Variants in RICTOR observed in about 807,000 individuals in gnomAD.
RICTOR encodes the protein rapamycin-insensitive companion of mTOR.
Under a neutral mutation model 214.9 loss-of-function variants are expected in RICTOR, and 49 were observed. That is an observed-to-expected ratio of 0.23 (90% CI 0.18 to 0.29). The LOEUF (loss-of-function observed/expected upper bound fraction) is 0.29. Among genes scored for constraint, RICTOR ranks in the 10% least tolerant of loss-of-function variants. The pLI, the probability that RICTOR is intolerant of heterozygous loss-of-function variation, is 1.00. For missense variants in RICTOR, 1,625 were observed against 2,047.0 expected (o/e 0.79, Z 3.98); for synonymous variants, 717 against 711.3 (o/e 1.01, Z -0.13).
intron 8 of RICTOR, 93 bp downstream of exon 8, chr5:38,981,774 G>GT: frequency 1.3e-6 from 1 of 784,184 alleles, no homozygotes; most frequent in South Asian, 1.9e-5. Flanking sequence ...GATAATTAAT[G>GT]TGGTGCTGCA....
At chr5:39,044,405 G>C (rs1192380372) in intron 2 of RICTOR, among the ~76,000 whole-genome samples, 1 of 152,030 alleles carries the variant, frequency 6.6e-6, no homozygotes, top group East Asian at 1.9e-4. Flanking sequence ...AACAGAAGAA[G>C]TCTCTAGGTC....
chr5:38,990,512 CACGATATATAT>C lies in RICTOR; in HGVS notation c.583+426_583+436del, dbSNP rs1312768755. ...AAAAAATACATATATACGATATATA[CACGATATATAT>C]ACGATATATATACGATATATACACG... On this transcript the variant is annotated intron_variant, in intron 7 of 37. Coordinates refer to ENST00000357387, the MANE Select transcript of RICTOR (RefSeq NM_152756.5). Among the ~76,000 whole-genome samples, 483 of 92,112 alleles carry C rather than the reference CACGATATATAT, an allele frequency of 5.2e-3. 6 individuals are homozygous for C. The highest frequency in any genetic ancestry group is 0.01 in the African/African-American group (306 of 29,420). The allele number at this position is 92,112 out of a possible 152,430, so 60.4% of individuals were successfully genotyped here.
At chr5:38,946,439 T>C (rs1748202781) in intron 33 of RICTOR, 29 bp downstream of exon 33, 2 of 1,375,612 alleles carry the variant, frequency 1.5e-6, no homozygotes, top group African/African-American at 1.4e-5. Context: ...TAAAGAGGCA[T>C]CTCACAAGTA....
intron 2 of RICTOR, among the ~76,000 whole-genome samples, chr5:39,033,619 G>T (rs1251517632): frequency 2.0e-5 from 3 of 152,032 alleles, no homozygotes; most frequent in African/African-American, 7.2e-5. Context: ...AATTTCTGCT[G>T]ATTTGTAACA....
At chr5:38,982,111 T>A in intron 7 of RICTOR, 75 bp from the exon 8 acceptor site, 1 of 1,080,102 alleles carries the variant, frequency 9.3e-7, no homozygotes, top group Non-Finnish European at 1.4e-6. Flanking sequence ...CTTTAAAACT[T>A]AATTGCCTTT....
intron 2 of RICTOR, among the ~76,000 whole-genome samples, chr5:39,034,200 A>C (rs1329620325): frequency 6.6e-6 from 1 of 152,268 alleles, no homozygotes; most frequent in African/African-American, 2.4e-5. Context: ...TATTGTCAGC[A>C]TATTATTATA....
At chr5:39,040,321 G>T in intron 2 of RICTOR, among the ~76,000 whole-genome samples, 1 of 115,936 alleles carries the variant, frequency 8.6e-6, no homozygotes, top group South Asian at 3.5e-4. Flanking sequence ...CTGTTGAGGG[G>T]TGGGGGGAGG....
At position 38,993,998 on chromosome 5, in the gene RICTOR, C is replaced by A. The variant is rs868248258; in HGVS notation, c.456+2821G>T. On this transcript the variant is annotated intron_variant, in intron 6 of 37. Coordinates refer to ENST00000357387, the MANE Select transcript of RICTOR (RefSeq NM_152756.5). ...GAGATCAAGACCATCCTGGTTAACA[C>A]GGTGAAACCGCGTCTCTACTAAAAA... Among the ~76,000 whole-genome samples the A allele has an allele frequency of 3.9e-5, 6 of 152,094 alleles. No individual in the cohort carries two copies. The South Asian group carries it at 8.3e-4, about 21-fold the overall frequency.
chr5:39,056,161 T>A (rs528339782), intron 2 of RICTOR, among the ~76,000 whole-genome samples: 20 of 152,268 alleles, frequency 1.3e-4, no homozygotes, highest in African/African-American at 4.6e-4. Flanking sequence ...AACACAAATT[T>A]GAGAGTCAAT....
chr5:38,947,047 G>T (rs1426685727), intron 32 of RICTOR, among the ~76,000 whole-genome samples: 1 of 152,018 alleles, frequency 6.6e-6, no homozygotes, highest in Admixed American at 6.6e-5. Flanking sequence ...GGGAAGAGAG[G>T]GAAGGATAAT....
chr5:39,019,689 T>A (rs1670500110), intron 3 of RICTOR, among the ~76,000 whole-genome samples: 1 of 152,190 alleles, frequency 6.6e-6, no homozygotes, highest in Non-Finnish European at 1.5e-5. Flanking sequence ...TACAAGGAGA[T>A]TAATGTTGTT....
At chr5:38,961,742 A>T (rs1749811634) in intron 19 of RICTOR, among the ~76,000 whole-genome samples, 1 of 152,174 alleles carries the variant, frequency 6.6e-6, no homozygotes, top group Admixed American at 6.6e-5. Flanking sequence ...ATCAAATAAT[A>T]ATGTTAATGA....
chr5:39,073,960 G>C (rs1471620783), intron 2 of RICTOR, 151 bp downstream of exon 2: 1 of 291,390 alleles, frequency 3.4e-6, no homozygotes, highest in South Asian at 1.4e-4. Context: ...CCCCGGGCTC[G>C]GTTCCCGCGG....
chr5:39,052,608 A>C (rs965272434), intron 2 of RICTOR, among the ~76,000 whole-genome samples: 1 of 152,104 alleles, frequency 6.6e-6, no homozygotes, highest in African/African-American at 2.4e-5. Flanking sequence ...GGTTTCCCAT[A>C]ATTTGCAGTT....
intron 2 of RICTOR, among the ~76,000 whole-genome samples, chr5:39,043,804 A>G (rs80046745): frequency 0.043 from 6,577 of 152,154 alleles, 264 homozygotes; most frequent in African/African-American, 0.098. Context: ...TGGTGGCTTT[A>G]TAAGAAGAGA....
intron 37 of RICTOR, 85 bp downstream of exon 37, chr5:38,942,747 CA>C: frequency 9.0e-7 from 1 of 1,116,762 alleles, no homozygotes; most frequent in South Asian, 1.4e-5. Flanking sequence ...TGAGTCACCA[CA>C]CCCAGCTATA....
At chr5:38,967,681 G>A (rs973062358) in intron 12 of RICTOR, among the ~76,000 whole-genome samples, 2 of 152,112 alleles carry the variant, frequency 1.3e-5, no homozygotes, top group Non-Finnish European at 2.9e-5. Flanking sequence ...GGATTACATA[G>A]GTTTCTTACT....
In RICTOR at chr5:39,035,342, C is replaced by A. The variant is rs1756595790; in HGVS notation, c.98-14206G>T. ...TCTGTACGTCACCATCATCAAAGAC[C>A]TAAGGTAGATAAAACCACAAAGATG... is the stretch of plus-strand genomic sequence containing the variant. On this transcript the variant is annotated intron_variant, in intron 2 of 37. Transcript: ENST00000357387. Among the ~76,000 whole-genome samples the A allele has an allele frequency of 1.3e-5, 2 of 152,082 alleles. 1 individual carries two copies. Among genetic ancestry groups the A allele is most frequent in the South Asian group, 4.1e-4 (2 of 4,826 alleles).
intron 2 of RICTOR, among the ~76,000 whole-genome samples, chr5:39,066,856 C>T (rs938220210): frequency 3.9e-5 from 6 of 152,204 alleles, no homozygotes; most frequent in Admixed American, 3.9e-4. Flanking sequence ...CTACTAAGTT[C>T]TTCATTTCCA....
Sources: allele counts gnomAD v4.1 joint callset (sites outside exome capture counted in the v4.1 genomes callset), GRCh38; gene constraint gnomAD v4.1.1; transcripts MANE v1.5; gene names NCBI Gene and HGNC (gene_info 2026-07-23, HGNC 2026-07-21).